The following PFN4 variants were observed in gnomAD, a reference collection of about 807,000 sequenced individuals.
The protein encoded by PFN4 is profilin family member 4.
Under a neutral mutation model 16.3 loss-of-function variants are expected in PFN4, and 10 were observed. The ratio of observed to expected loss-of-function variants is 0.61; its 90% CI spans 0.38 to 1.04. The LOEUF is 1.04. Among genes scored for constraint, PFN4 ranks in the 50% least tolerant of loss-of-function variants. The probability of loss-of-function intolerance (pLI) is 0.01; values close to 1 mark genes in which losing one functional copy is unlikely to be tolerated. For missense variants in PFN4, 136 were observed against 153.6 expected (o/e 0.89, Z 0.61); for synonymous variants, 54 against 56.9 (o/e 0.95, Z 0.23).
chr2:24,122,289 G>A, intron 2 of PFN4, 130 bp downstream of exon 2: 1 of 691,282 alleles, frequency 1.4e-6, no homozygotes, highest in East Asian at 2.6e-5. Flanking sequence ...TCATGCCATT[G>A]CATCCCAGGC....
intron 4 of PFN4, among the ~76,000 whole-genome samples, chr2:24,117,247 G>C (rs778647118): frequency 6.6e-6 from 1 of 151,844 alleles, no homozygotes; most frequent in African/African-American, 2.4e-5. Flanking sequence ...AACTCCTGTC[G>C]TCAAATGATC....
rs1027728115 is a variant in PFN4 at position 24,123,327 on chromosome 2, G to T, written c.-222C>A. On this transcript the variant is annotated 5_prime_UTR_variant, in exon 1 of 5. Transcript: ENST00000313213. The stretch of plus-strand genomic sequence containing the variant: ...ACGCGGTTGCGGGTGGGTGGCGGCG[G>T]CAGGATTGGCCGGGCCACGCGCCGG... The T allele has an allele frequency of 2.0e-5, 3 of 152,218 alleles. No homozygotes were observed. The highest frequency in any genetic ancestry group is 2.9e-5 in the Non-Finnish European group (2 of 68,094). The allele number at this position is 152,218 out of a possible 1,614,324, so 9.4% of individuals were successfully genotyped here.
intron 4 of PFN4, among the ~76,000 whole-genome samples, chr2:24,117,291 C>T (rs1023191309): frequency 2.6e-5 from 4 of 152,248 alleles, no homozygotes; most frequent in East Asian, 3.9e-4. Context: ...GGTGGGATTA[C>T]AGGCGTGAGC....
chr2:24,115,077 A>T lies in PFN4; in HGVS notation c.*506T>A, dbSNP rs1253997015. 6.6e-6 allele frequency among the ~76,000 whole-genome samples: 1 copy of T among 152,230 alleles called. No homozygotes were observed. The highest frequency in any genetic ancestry group is 1.5e-5 in the Non-Finnish European group (1 of 68,038). On this transcript the variant is annotated 3_prime_UTR_variant, in exon 5 of 5. Transcript: ENST00000313213. ...CTCACCGGGGTGATGTGAGCCAGAC[A>T]GATGTCACACATGCAGGGAGTTGTA...
At chr2:24,122,584 G>A (rs1473213020) in intron 1 of PFN4, 37 bp from the exon 2 acceptor site, 2 of 1,328,264 alleles carry the variant, frequency 1.5e-6, no homozygotes, top group South Asian at 1.2e-5. Flanking sequence ...ATTGACTCTG[G>A]CTAGCTTTTA....
At chr2:24,117,315 T>C (rs1268684777) in intron 4 of PFN4, among the ~76,000 whole-genome samples, 3 of 151,842 alleles carry the variant, frequency 2.0e-5, no homozygotes, top group Non-Finnish European at 4.4e-5. Flanking sequence ...TGCACAAACC[T>C]GATTAATTTG....
At chr2:24,117,624 G>A (rs553321720) in intron 4 of PFN4, among the ~76,000 whole-genome samples, 31 of 151,960 alleles carry the variant, frequency 2.0e-4, no homozygotes, top group African/African-American at 6.8e-4. Flanking sequence ...TGTATTTTTA[G>A]TAAAGACAGG....
chr2:24,117,014 A>ATTTTTT, intron 4 of PFN4, among the ~76,000 whole-genome samples: 1 of 131,928 alleles, frequency 7.6e-6, no homozygotes, highest in Non-Finnish European at 1.6e-5. Flanking sequence ...ACAATCCTGC[A>ATTTTTT]TTTTTTTTTT....
chr2:24,120,549 G>GA (rs1558378709), intron 3 of PFN4, among the ~76,000 whole-genome samples: 1 of 149,888 alleles, frequency 6.7e-6, no homozygotes, highest in Non-Finnish European at 1.5e-5. Context: ...ACAGAGAGCT[G>GA]ATTTTTTTTA....
Position 24,121,162 on chromosome 2 carries a change from C to A in PFN4, c.255+1G>T. 6.2e-7 allele frequency: 1 copy of A among 1,614,016 alleles called. No homozygotes were observed. Among genetic ancestry groups the A allele is most frequent in the African/African-American group, 1.3e-5 (1 of 75,052 alleles). On this transcript the variant is annotated splice_donor_variant, in intron 3 of 4. Transcript: ENST00000313213. LOFTEE classifies it high-confidence loss of function. ...GCTCTCTTCAAATCTTGAGCACTCA[C>A]ATTTTTGGCATAAAGAGAATATTCA...
intron 2 of PFN4, 36 bp from the exon 3 acceptor site, chr2:24,121,336 A>C: frequency 6.3e-7 from 1 of 1,586,190 alleles, no homozygotes; most frequent in Non-Finnish European, 8.6e-7. Flanking sequence ...GGAGTCAGCC[A>C]ACTATGGCTG....
intron 1 of PFN4, 168 bp downstream of exon 1, chr2:24,122,950 A>G (rs578157591): frequency 6.4e-6 from 1 of 155,974 alleles, no homozygotes; most frequent in East Asian, 1.9e-4. Context: ...AACACGACTA[A>G]AAGAGATTAT....
chr2:24,121,185 T>A lies in PFN4; in HGVS notation c.233A>T (p.Glu78Val), dbSNP rs759568336. 6.8e-6 allele frequency: 11 copies of A among 1,614,012 alleles called. No individual in the cohort carries two copies. The highest frequency in any genetic ancestry group is 9.3e-6 in the Non-Finnish European group (11 of 1,180,014). ...CACATTTTTGGCATAAAGAGAATAT[T>A]CATCTGCCCGGACACATCTGTAATC... Reference protein sequence around the residue: ...GKDYRCVRADEYSLYAKNENT... With the variant: ...GKDYRCVRADVYSLYAKNENT... Residue 78 changes from glutamate (E) to valine (V), a missense_variant, in exon 3 of 5, where the codon GAA becomes GTA. Coordinates refer to ENST00000313213, the MANE Select transcript of PFN4 (RefSeq NM_199346.3).
rs1370208263 is a variant in PFN4 at position 24,115,579 on chromosome 2, T to C, written c.*4A>G. 6.2e-7 allele frequency: 1 copy of C among 1,611,838 alleles called. No homozygotes were observed. Among genetic ancestry groups the C allele is most frequent in the South Asian group, 1.1e-5 (1 of 90,976 alleles). Reference sequence around the variant, plus strand: ...AAAATTGTCTTTCATGGGCCTCTGATGACTTAACTTCCTTTTTTTCTTAGG... The same window carrying C: ...AAAATTGTCTTTCATGGGCCTCTGACGACTTAACTTCCTTTTTTTCTTAGG... On this transcript the variant is annotated 3_prime_UTR_variant, in exon 5 of 5. Coordinates refer to ENST00000313213, the MANE Select transcript of PFN4 (RefSeq NM_199346.3).
chr2:24,115,453 G>A lies in PFN4; in HGVS notation c.*130C>T, dbSNP rs1421999314. On this transcript the variant is annotated 3_prime_UTR_variant, in exon 5 of 5. Coordinates refer to ENST00000313213, the MANE Select transcript of PFN4 (RefSeq NM_199346.3). Reference sequence around the variant, plus strand: ...AGGATCTCTGGAAGTAATAAAAATTGCTCCCTTAATTCATTCTTCTTTTTT... The same window carrying A: ...AGGATCTCTGGAAGTAATAAAAATTACTCCCTTAATTCATTCTTCTTTTTT... The A allele has an allele frequency of 1.4e-6, 1 of 708,504 alleles. No homozygotes were observed. Among genetic ancestry groups the A allele is most frequent in the Non-Finnish European group, 2.4e-6 (1 of 424,672 alleles). 43.9% of individuals were successfully genotyped at this position (708,504 alleles called of 1,614,324 possible).
intron 1 of PFN4, chr2:24,122,835 T>G (rs1441487873): frequency 7.5e-6 from 2 of 265,278 alleles, no homozygotes; most frequent in African/African-American, 4.4e-5. Flanking sequence ...CAGGATTATC[T>G]GCGATTTAAA....
At position 24,115,560 on chromosome 2, in the gene PFN4, G is replaced by A; in HGVS notation, c.*23C>T. The A allele has an allele frequency of 6.2e-7, 1 of 1,601,094 alleles. No individual in the cohort carries two copies. Among genetic ancestry groups the A allele is most frequent in the East Asian group, 2.2e-5 (1 of 44,798 alleles). The stretch of plus-strand genomic sequence containing the variant: ...AATTTTCTTCTAAAATAATAAAATT[G>A]TCTTTCATGGGCCTCTGATGACTTA... On this transcript the variant is annotated 3_prime_UTR_variant, in exon 5 of 5. Transcript: ENST00000313213.
At chr2:24,121,454 C>T (rs546962527) in intron 2 of PFN4, among the ~76,000 whole-genome samples, 154 bp from the exon 3 acceptor site, 21 of 152,312 alleles carry the variant, frequency 1.4e-4, no homozygotes, top group Non-Finnish European at 3.1e-4. Context: ...AATAACACTT[C>T]GTGACACTTA....
At position 24,121,194 on chromosome 2, in the gene PFN4, C is replaced by T. The variant is rs573212540; in HGVS notation, c.224G>A (p.Arg75Gln). The change falls in exon 3 of 5, where the codon CGG becomes CAG. Residue 75 changes from arginine (R) to glutamine (Q), a missense_variant. Transcript: ENST00000313213. ...GGCATAAAGAGAATATTCATCTGCCCGGACACATCTGTAATCTTTTCCCTT... is the reference window on the plus strand; with the variant it reads ...GGCATAAAGAGAATATTCATCTGCCTGGACACATCTGTAATCTTTTCCCTT... ...YFKGKDYRCV[R>Q]ADEYSLYAKN... The T allele has an allele frequency of 1.4e-5, 23 of 1,614,134 alleles. No individual in the cohort carries two copies. The highest frequency in any genetic ancestry group is 9.9e-5 in the South Asian group (9 of 91,076).
Sources: allele counts gnomAD v4.1 joint callset (sites outside exome capture counted in the v4.1 genomes callset), GRCh38; gene constraint gnomAD v4.1.1; transcripts MANE v1.5; gene names NCBI Gene and HGNC (gene_info 2026-07-23, HGNC 2026-07-21).